Variants in KCNK9 observed in about 807,000 individuals in gnomAD.
KCNK9 encodes the protein potassium two pore domain channel subfamily K member 9.
KCNK9 carries 1 observed loss-of-function variant against 10.8 expected under a neutral mutation model. That is an observed-to-expected ratio of 0.09 (90% CI 0.03 to 0.44). The LOEUF (loss-of-function observed/expected upper bound fraction) is 0.44, where lower values mean the gene tolerates loss of function less well. KCNK9 is among the 20% of genes least tolerant of loss of function. The pLI, the probability that KCNK9 is intolerant of heterozygous loss-of-function variation, is 0.97. For missense variants in KCNK9, 303 were observed against 515.0 expected (o/e 0.59, Z 3.98); for synonymous variants, 231 against 222.7 (o/e 1.04, Z -0.33).
chr8:139,665,995 C>T (rs1028683826), intron 1 of KCNK9, among the ~76,000 whole-genome samples: 3 of 152,220 alleles, frequency 2.0e-5, no homozygotes, highest in Non-Finnish European at 4.4e-5. Flanking sequence ...CACACAGCAC[C>T]TGGGAAGTAG....
At chr8:139,655,808 T>C (rs1816006168) in intron 1 of KCNK9, among the ~76,000 whole-genome samples, 1 of 152,118 alleles carries the variant, frequency 6.6e-6, no homozygotes, top group Non-Finnish European at 1.5e-5. Context: ...CCCTAGATCA[T>C]CAGGGAAGGT....
At chr8:139,639,190 T>C (rs1217576639) in intron 1 of KCNK9, among the ~76,000 whole-genome samples, 1 of 152,142 alleles carries the variant, frequency 6.6e-6, no homozygotes, top group African/African-American at 2.4e-5. Flanking sequence ...TCCTCATCCA[T>C]AAAGCATCAG....
At chr8:139,666,029 G>A (rs1816290358) in intron 1 of KCNK9, among the ~76,000 whole-genome samples, 1 of 152,244 alleles carries the variant, frequency 6.6e-6, no homozygotes, top group South Asian at 2.1e-4. Context: ...AGCAAGCCAA[G>A]CACCCCGGGA....
intron 1 of KCNK9, among the ~76,000 whole-genome samples, chr8:139,644,534 T>A (rs1357162294): frequency 6.6e-6 from 1 of 152,162 alleles, no homozygotes; most frequent in Admixed American, 6.5e-5. Context: ...ACTGAGTGGG[T>A]TCTGAGGCTC....
intron 1 of KCNK9, among the ~76,000 whole-genome samples, chr8:139,663,693 GAT>G (rs1816226951): frequency 1.3e-5 from 2 of 150,376 alleles, no homozygotes; most frequent in African/African-American, 4.9e-5. Context: ...TAGAGAGAGA[GAT>G]AGAGAGAGAG....
At chr8:139,606,116 A>G (rs868461391) in intron 2 of KCNK9, among the ~76,000 whole-genome samples, 10 of 152,334 alleles carry the variant, frequency 6.6e-5, no homozygotes, top group South Asian at 6.2e-4. Flanking sequence ...CACCTTGACC[A>G]CAATGGGCCT....
intron 1 of KCNK9, among the ~76,000 whole-genome samples, chr8:139,675,206 G>T (rs564084214): frequency 1.3e-5 from 2 of 152,318 alleles, no homozygotes; most frequent in Admixed American, 1.3e-4. Flanking sequence ...GGCAACATTC[G>T]GGACATGGGG....
chr8:139,622,239 T>A (rs1814809226), intron 1 of KCNK9, among the ~76,000 whole-genome samples: 1 of 152,202 alleles, frequency 6.6e-6, no homozygotes, highest in Admixed American at 6.5e-5. Context: ...ATTAACACAT[T>A]TCCTGTGGTC....
At chr8:139,613,478 A>G (rs561474274), downstream of KCNK9, among the ~76,000 whole-genome samples, 1 of 152,214 alleles carries the variant, frequency 6.6e-6, no homozygotes, top group Admixed American at 6.5e-5. Flanking sequence ...TCTCTCTGCT[A>G]TTGCCGGTCC....
chr8:139,619,189 T>G lies in KCNK9; in HGVS notation c.284-90A>C, dbSNP rs568853106. ...GGAGGGTCGACTTGGTGCAGTGCAG[T>G]GCAATGCAGAGGGACCTGGTACTGG... On this transcript the variant is annotated intron_variant, in intron 1 of 1. Coordinates refer to ENST00000520439, the MANE Select transcript of KCNK9 (RefSeq NM_001282534.2). The G allele has an allele frequency of 1.6e-5, 23 of 1,443,206 alleles. No individual in the cohort carries two copies. The African/African-American group carries it at 3.1e-4, about 19-fold the overall frequency. The allele number at this position is 1,443,206 out of a possible 1,614,324, so 89.4% of individuals were successfully genotyped here.
chr8:139,608,747 C>T (rs115671646), downstream of KCNK9, among the ~76,000 whole-genome samples: 7,293 of 152,310 alleles, frequency 0.048, 561 homozygotes, highest in African/African-American at 0.16. Context: ...CCCATTACTG[C>T]TGGTCTCAGA....
intron 1 of KCNK9, among the ~76,000 whole-genome samples, chr8:139,643,577 C>G (rs554968824): frequency 2.0e-5 from 3 of 152,316 alleles, no homozygotes; most frequent in Admixed American, 6.5e-5. Context: ...ACTGGGTCAA[C>G]AGCTACAGCC....
At chr8:139,611,638 TG>T (rs1814427110), downstream of KCNK9, 1 of 152,256 alleles carries the variant, frequency 6.6e-6, no homozygotes, top group Non-Finnish European at 1.5e-5. Context: ...ATCACAAGTA[TG>T]CTCCCATAGT....
At chr8:139,611,404 C>T (rs1435815601), downstream of KCNK9, 5 of 152,304 alleles carry the variant, frequency 3.3e-5, no homozygotes, top group African/African-American at 4.8e-5. Flanking sequence ...CACACCCCCA[C>T]GCCGCTCTCT....
At chr8:139,621,199 G>A (rs1814764718) in intron 1 of KCNK9, among the ~76,000 whole-genome samples, 1 of 151,664 alleles carries the variant, frequency 6.6e-6, no homozygotes, top group Admixed American at 6.6e-5. Flanking sequence ...GCTGAGGCAG[G>A]AGAATCACTT....
intron 2 of KCNK9, among the ~76,000 whole-genome samples, chr8:139,604,619 A>T (rs997658222): frequency 6.6e-6 from 1 of 152,242 alleles, no homozygotes; most frequent in African/African-American, 2.4e-5. Context: ...ACATTTTAAG[A>T]GGATTTAAGA....
At chr8:139,633,481 A>G (rs1319421874) in intron 1 of KCNK9, among the ~76,000 whole-genome samples, 2 of 152,208 alleles carry the variant, frequency 1.3e-5, no homozygotes, top group Non-Finnish European at 2.9e-5. Context: ...ACACACGACT[A>G]ATAGGTGGCA....
intron 1 of KCNK9, among the ~76,000 whole-genome samples, chr8:139,623,284 A>T (rs374826946): frequency 2.0e-4 from 30 of 152,326 alleles, no homozygotes; most frequent in Middle Eastern, 3.4e-3. Context: ...TCCCATCTGC[A>T]AATGAACATA....
intron 1 of KCNK9, among the ~76,000 whole-genome samples, chr8:139,665,151 T>G (rs1427957186): frequency 6.6e-6 from 1 of 152,190 alleles, no homozygotes; most frequent in Non-Finnish European, 1.5e-5. Context: ...AGGTTAGAAG[T>G]TGCAATGGGC....
Sources: gnomAD v4.1 joint callset for allele counts (sites outside exome capture counted in the v4.1 genomes callset) on GRCh38, gnomAD v4.1.1 for gene constraint, MANE v1.5 for transcripts, NCBI Gene and HGNC (gene_info 2026-07-23, HGNC 2026-07-21) for gene names.